The following ERC1 variants were observed in gnomAD, a reference collection of about 807,000 sequenced individuals.
The protein encoded by ERC1 is ELKS/RAB6-interacting/CAST family member 1.
A neutral mutation model predicts 132.0 loss-of-function variants in ERC1; 56 were observed. That is an observed-to-expected ratio of 0.42 (90% CI 0.34 to 0.53). The LOEUF is 0.53. Among genes scored for constraint, ERC1 ranks in the 20% least tolerant of loss-of-function variants. The pLI is 0.03. For missense variants in ERC1, 1,202 were observed against 1,349.9 expected (o/e 0.89, Z 1.72); for synonymous variants, 478 against 476.1 (o/e 1.00, Z -0.05).
chr12:1,173,391 T>C (rs1953301132), intron 8 of ERC1, among the ~76,000 whole-genome samples: 1 of 152,208 alleles, frequency 6.6e-6, no homozygotes, highest in Admixed American at 6.5e-5. Flanking sequence ...GTTCTTGTTA[T>C]TTTATTTTAG....
chr12:1,123,205 A>G (rs10505722), intron 7 of ERC1, among the ~76,000 whole-genome samples: 6,686 of 152,284 alleles, frequency 0.044, 265 homozygotes, highest in Admixed American at 0.13. Context: ...AAATACAAGC[A>G]TAAGTATGGC....
At chr12:1,256,230 A>G (rs1302584450) in intron 13 of ERC1, among the ~76,000 whole-genome samples, 1 of 151,290 alleles carries the variant, frequency 6.6e-6, no homozygotes, top group Non-Finnish European at 1.5e-5. Flanking sequence ...CTTTAAAAAC[A>G]ATTTTGAAAT....
chr12:1,304,083 G>A (rs563423493), intron 15 of ERC1, among the ~76,000 whole-genome samples: 11 of 152,086 alleles, frequency 7.2e-5, no homozygotes, highest in South Asian at 4.1e-4. Flanking sequence ...AGGGTGTGGT[G>A]GTTTCATTTC....
At chr12:1,270,296 C>CT (rs1445159791) in intron 14 of ERC1, among the ~76,000 whole-genome samples, 1 of 152,136 alleles carries the variant, frequency 6.6e-6, no homozygotes, top group Non-Finnish European at 1.5e-5. Flanking sequence ...CAACCTCCAC[C>CT]TCCCGGGTTC....
At chr12:1,222,971 CTG>C (rs1439222298) in intron 12 of ERC1, among the ~76,000 whole-genome samples, 2 of 152,114 alleles carry the variant, frequency 1.3e-5, no homozygotes, top group East Asian at 1.9e-4. Flanking sequence ...TTCAAACAAA[CTG>C]TATTTTCCCT....
At chr12:998,341 T>C (rs1448907001) in intron 1 of ERC1, 3 of 152,174 alleles carry the variant, frequency 2.0e-5, no homozygotes, top group African/African-American at 7.2e-5. Flanking sequence ...AGATCAGGAA[T>C]GTGGGTGCAG....
chr12:1,051,170 C>G (rs190823059), intron 2 of ERC1, among the ~76,000 whole-genome samples: 1 of 152,300 alleles, frequency 6.6e-6, no homozygotes, highest in Admixed American at 6.5e-5. Flanking sequence ...CTGTTGCACA[C>G]TTGGAATCTG....
At chr12:1,278,035 A>T (rs1207029482) in intron 14 of ERC1, among the ~76,000 whole-genome samples, 1 of 152,200 alleles carries the variant, frequency 6.6e-6, no homozygotes, top group Non-Finnish European at 1.5e-5. Flanking sequence ...TGGTTATGAA[A>T]TCAGTCACTT....
At chr12:1,431,262 A>C (rs2092789614) in intron 17 of ERC1, among the ~76,000 whole-genome samples, 1 of 152,146 alleles carries the variant, frequency 6.6e-6, no homozygotes, top group Non-Finnish European at 1.5e-5. Context: ...TATCTCTAAA[A>C]TTCCTTCCAT....
intron 15 of ERC1, among the ~76,000 whole-genome samples, chr12:1,333,395 C>T (rs912574792): frequency 7.0e-6 from 1 of 142,770 alleles, no homozygotes; most frequent in Non-Finnish European, 1.5e-5. Flanking sequence ...TGCAGTGGCG[C>T]GACGTCGGCT....
intron 16 of ERC1, among the ~76,000 whole-genome samples, chr12:1,400,910 T>C: frequency 1.3e-5 from 1 of 77,346 alleles, no homozygotes; most frequent in Admixed American, 1.2e-4. Context: ...TTTTGGCTAT[T>C]TTTGTATTTT....
chr12:1,237,015 C>A, intron 13 of ERC1, 111 bp downstream of exon 13: 1 of 1,286,670 alleles, frequency 7.8e-7, no homozygotes, highest in Non-Finnish European at 1.1e-6. Context: ...TCTAACCCTG[C>A]TTGCTGCCTT....
At chr12:1,061,708 TCTC>T (rs1937949734) in intron 2 of ERC1, among the ~76,000 whole-genome samples, 1 of 128,858 alleles carries the variant, frequency 7.8e-6, no homozygotes, top group Non-Finnish European at 1.6e-5. Flanking sequence ...TGAATCTCTC[TCTC>T]CCCCCCCATA....
At chr12:1,468,240 A>C (rs181692433) in intron 18 of ERC1, among the ~76,000 whole-genome samples, 185 of 143,028 alleles carry the variant, frequency 1.3e-3, no homozygotes, top group African/African-American at 4.5e-3. Flanking sequence ...GAGTTTTCTT[A>C]GCACTGTATG....
intron 7 of ERC1, among the ~76,000 whole-genome samples, chr12:1,118,127 A>G (rs1946654828): frequency 6.6e-6 from 1 of 152,146 alleles, no homozygotes; most frequent in Non-Finnish European, 1.5e-5. Context: ...ATCGTTTTTC[A>G]CTTCAGTAGC....
chr12:1,014,321 G>C (rs528224318), intron 1 of ERC1, among the ~76,000 whole-genome samples: 2 of 152,168 alleles, frequency 1.3e-5, no homozygotes, highest in African/African-American at 4.8e-5. Context: ...GATCATAGGC[G>C]TGTGCCATCA....
chr12:1,424,733 T>G (rs576528360), intron 17 of ERC1, among the ~76,000 whole-genome samples: 2 of 152,164 alleles, frequency 1.3e-5, no homozygotes, highest in African/African-American at 2.4e-5. Flanking sequence ...CTGAAGTAAT[T>G]GCCTGTGATT....
intron 1 of ERC1, among the ~76,000 whole-genome samples, chr12:1,016,706 G>GCGAT (rs1555199447): frequency 7.2e-6 from 1 of 138,418 alleles, no homozygotes; most frequent in Non-Finnish European, 1.6e-5. Flanking sequence ...GTGCAGTGGT[G>GCGAT]CGATCTCGAT....
chr12:1,220,386 G>T (rs58902769), intron 12 of ERC1, among the ~76,000 whole-genome samples: 3,158 of 152,212 alleles, frequency 0.021, 104 homozygotes, highest in African/African-American at 0.072. Flanking sequence ...GTAAATATTT[G>T]CTGAATAGAT....
Sources: gnomAD v4.1 joint callset for allele counts (sites outside exome capture counted in the v4.1 genomes callset) on GRCh38, gnomAD v4.1.1 for gene constraint, MANE v1.5 for transcripts, NCBI Gene and HGNC (gene_info 2026-07-23, HGNC 2026-07-21) for gene names.